SEM1: variants seen among roughly 807,000 people sequenced by gnomAD.
The protein encoded by SEM1 is 26S proteasome complex subunit SEM1.
Under a neutral mutation model 12.7 loss-of-function variants are expected in SEM1, and 3 were observed. The ratio of observed to expected loss-of-function variants is 0.24; its 90% CI spans 0.11 to 0.61. The LOEUF is 0.61. Ranked by LOEUF, SEM1 falls within the 20% of genes least tolerant of loss-of-function variation. The pLI, the probability that SEM1 is intolerant of heterozygous loss-of-function variation, is 0.88. For synonymous variants in SEM1, 30 were observed against 27.8 expected (o/e 1.08, Z -0.25); for missense variants, 59 against 81.3 (o/e 0.73, Z 1.06).
chr7:96,590,125 C>T (rs1044309904), intron 2 of SEM1, among the ~76,000 whole-genome samples: 18 of 152,092 alleles, frequency 1.2e-4, no homozygotes, highest in East Asian at 7.7e-4. Context: ...AAATATAACT[C>T]ATTCATTTCC....
chr7:96,627,768 A>G (rs1808119684), intron 2 of SEM1, among the ~76,000 whole-genome samples: 1 of 152,146 alleles, frequency 6.6e-6, no homozygotes, highest in Non-Finnish European at 1.5e-5. Flanking sequence ...ATGTTCGTAA[A>G]TATCTATTAG....
At chr7:96,502,565 A>G (rs981775059) in intron 3 of SEM1, among the ~76,000 whole-genome samples, 1 of 152,208 alleles carries the variant, frequency 6.6e-6, no homozygotes, top group Non-Finnish European at 1.5e-5. Context: ...GTGAGAATTA[A>G]CACATGTAAA....
rs189265582 is a variant in SEM1, at chr7:96,495,056, G to A, written c.12+1228C>T. Among the ~76,000 whole-genome samples the A allele has an allele frequency of 5.1e-5, 7 of 137,946 alleles. No homozygotes were observed. The South Asian group carries it at 1.3e-3, about 26-fold the overall frequency. The allele number at this position is 137,946 out of a possible 152,430, so 90.5% of individuals were successfully genotyped here. ...TCAGAGAGATAATGAGAGAGAAGGG[G>A]GTGAAGAGAGAGCAAGAGGGAAAGA... On this transcript the variant is annotated intron_variant, in intron 1 of 3. Coordinates refer to the SEM1 transcript ENST00000356686.
chr7:96,600,358 G>A (rs1163811090), intron 2 of SEM1, among the ~76,000 whole-genome samples: 1 of 152,172 alleles, frequency 6.6e-6, no homozygotes, highest in Non-Finnish European at 1.5e-5. Context: ...TTCAAAGAAA[G>A]CTATAATTTT....
At chr7:96,699,738 ACTATC>A (rs1172517220) in intron 1 of SEM1, among the ~76,000 whole-genome samples, 2 of 152,192 alleles carry the variant, frequency 1.3e-5, no homozygotes, top group Non-Finnish European at 2.9e-5. Flanking sequence ...GTTGCACTTT[ACTATC>A]AGTTGAAGGA....
intron 2 of SEM1, among the ~76,000 whole-genome samples, chr7:96,588,298 G>A (rs1018826508): frequency 4.0e-5 from 6 of 150,952 alleles, no homozygotes; most frequent in Non-Finnish European, 5.9e-5. Flanking sequence ...AATGAGCCAC[G>A]ATCACACCAC....
At chr7:96,671,109 C>A (rs1446975741), downstream of SEM1, among the ~76,000 whole-genome samples, 4 of 151,996 alleles carry the variant, frequency 2.6e-5, no homozygotes. Flanking sequence ...AATAGCAAGC[C>A]CCACAGATTT....
intron 2 of SEM1, among the ~76,000 whole-genome samples, chr7:96,535,398 G>A (rs776606309): frequency 1.6e-4 from 25 of 151,676 alleles, no homozygotes; most frequent in Non-Finnish European, 2.9e-5. Flanking sequence ...AAAATGTCCT[G>A]TAAGCACTGT....
chr7:96,671,727 A>C (rs1249069401), downstream of SEM1, among the ~76,000 whole-genome samples: 1 of 152,222 alleles, frequency 6.6e-6, no homozygotes, highest in East Asian at 1.9e-4. Flanking sequence ...CTAAATAAGC[A>C]AAGTTGAGAG....
At chr7:96,661,152 A>G (rs909971369) in intron 2 of SEM1, among the ~76,000 whole-genome samples, 1 of 152,174 alleles carries the variant, frequency 6.6e-6, no homozygotes, top group African/African-American at 2.4e-5. Context: ...AAGTTTACAC[A>G]CCCAGTAAAT....
chr7:96,523,085 T>C (rs1208336057), intron 2 of SEM1, among the ~76,000 whole-genome samples: 1 of 152,054 alleles, frequency 6.6e-6, no homozygotes, highest in Non-Finnish European at 1.5e-5. Context: ...TTCAAATCTT[T>C]GACAAAATAA....
chr7:96,612,760 C>G (rs1807578497), intron 2 of SEM1, among the ~76,000 whole-genome samples: 1 of 152,052 alleles, frequency 6.6e-6, no homozygotes, highest in Non-Finnish European at 1.5e-5. Context: ...CTCAGCCTCC[C>G]CAGTAGCTGG....
intron 2 of SEM1, among the ~76,000 whole-genome samples, chr7:96,657,966 C>A (rs1197563855): frequency 6.6e-6 from 1 of 152,224 alleles, no homozygotes; most frequent in Non-Finnish European, 1.5e-5. Flanking sequence ...GAGAAGCCAC[C>A]TGCTGACAGG....
intron 2 of SEM1, chr7:96,649,991 C>G (rs1292353321): frequency 6.5e-6 from 1 of 153,562 alleles, no homozygotes; most frequent in African/African-American, 2.4e-5. Flanking sequence ...ATCAGTATAT[C>G]CCATGTGTTT....
chr7:96,510,038 T>G (rs1803889536), intron 2 of SEM1, among the ~76,000 whole-genome samples: 1 of 152,120 alleles, frequency 6.6e-6, no homozygotes, highest in African/African-American at 2.4e-5. Flanking sequence ...TTAAAAATGG[T>G]TAAAGTGATA....
At chr7:96,496,677 G>C (rs567637586), upstream of SEM1, among the ~76,000 whole-genome samples, 31 of 152,228 alleles carry the variant, frequency 2.0e-4, no homozygotes, top group Middle Eastern at 6.8e-3. Flanking sequence ...ATTTTTATTA[G>C]ACATATATAC....
At chr7:96,642,218 T>G (rs1808636534) in intron 2 of SEM1, among the ~76,000 whole-genome samples, 1 of 152,076 alleles carries the variant, frequency 6.6e-6, no homozygotes, top group Non-Finnish European at 1.5e-5. Flanking sequence ...GTCTACACAT[T>G]GATCCACTGA....
intron 2 of SEM1, among the ~76,000 whole-genome samples, chr7:96,602,782 G>A (rs773086916): frequency 1.6e-4 from 24 of 152,286 alleles, no homozygotes; most frequent in Non-Finnish European, 3.4e-4. Context: ...AAATTGATTC[G>A]TGATTATTTC....
chr7:96,506,410 T>A (rs561354823), intron 3 of SEM1, among the ~76,000 whole-genome samples: 5 of 152,148 alleles, frequency 3.3e-5, no homozygotes, highest in Non-Finnish European at 5.9e-5. Flanking sequence ...TTTTCTGTGA[T>A]GTAATTAAAA....
Sources: allele counts gnomAD v4.1 joint callset (sites outside exome capture counted in the v4.1 genomes callset), GRCh38; gene constraint gnomAD v4.1.1; transcripts MANE v1.5; gene names NCBI Gene and HGNC (gene_info 2026-07-23, HGNC 2026-07-21).